MYO10: variants seen among roughly 807,000 people sequenced by gnomAD.
MYO10 encodes myosin X.
MYO10 carries 133 observed loss-of-function variants against 257.3 expected under a neutral mutation model. The observed-to-expected ratio is 0.52, with a 90% CI of 0.45 to 0.60. MYO10 has a LOEUF of 0.60. MYO10 is among the 20% of genes least tolerant of loss of function. MYO10 has a pLI of 0.00. For missense variants in MYO10, 2,399 were observed against 2,635.7 expected (o/e 0.91, Z 1.97); for synonymous variants, 1,104 against 1,028.6 (o/e 1.07, Z -1.40).
chr5:16,672,209 T>C (rs574128753), intron 37 of MYO10, among the ~76,000 whole-genome samples: 3 of 148,618 alleles, frequency 2.0e-5, no homozygotes, highest in African/African-American at 5.0e-5. Context: ...GCAGGAGAAC[T>C]GCTTGAACCC....
In MYO10 at chr5:16,701,808, C is replaced by T. The variant is rs1233115079; in HGVS notation, c.2587G>A (p.Glu863Lys). 8 of 1,607,068 alleles carry T rather than the reference C, an allele frequency of 5.0e-6. No homozygotes were observed. Among genetic ancestry groups the T allele is most frequent in the South Asian group, 2.2e-5 (2 of 89,782 alleles). ...EEETRKQQEL[E>K]ALQKSQKEAE... ...TCCTTCTGGCTCTTCTGCAAGGCTT[C>T]GAGTTCTTGCTGCTTCCTCGTTTCT... The change falls in exon 25 of 41, where the codon GAA becomes AAA. Residue 863 changes from glutamate (E) to lysine (K), a missense_variant. Around this residue, in one of 3 missense-constraint regions of MYO10, gnomAD observed 1,820 missense variants for 1,939.4 expected, o/e 0.94. Transcript: ENST00000513610. This position sits in a 1 kb window ranked among gnomAD's most constrained non-coding sequence, Gnocchi z 8.1.
intron 4 of MYO10, among the ~76,000 whole-genome samples, chr5:16,785,215 T>A (rs1741540470): frequency 1.3e-5 from 2 of 152,188 alleles, no homozygotes; most frequent in African/African-American, 4.8e-5. Flanking sequence ...CCACCTTTAG[T>A]TGGGGTTTCC....
intron 4 of MYO10, among the ~76,000 whole-genome samples, chr5:16,794,430 G>T (rs1163801616): frequency 6.6e-6 from 1 of 150,596 alleles, no homozygotes; most frequent in East Asian, 1.9e-4. Flanking sequence ...ATTATTCTGA[G>T]GACAAGAGCC....
chr5:16,890,066 A>AAGAAAAT (rs898557607), intron 1 of MYO10, among the ~76,000 whole-genome samples: 1 of 151,956 alleles, frequency 6.6e-6, no homozygotes, highest in African/African-American at 2.4e-5. Flanking sequence ...ACACAGTGGG[A>AAGAAAAT]AGAAAATAAA....
chr5:16,846,223 G>A (rs1039279742), intron 2 of MYO10, among the ~76,000 whole-genome samples: 1 of 152,154 alleles, frequency 6.6e-6, no homozygotes, highest in African/African-American at 2.4e-5. Context: ...GCTATTGGCA[G>A]ACTAATTATA....
At chr5:16,848,677 C>A (rs1257246630) in intron 2 of MYO10, among the ~76,000 whole-genome samples, 1 of 151,252 alleles carries the variant, frequency 6.6e-6, no homozygotes, top group Non-Finnish European at 1.5e-5. Flanking sequence ...CTCCCCGCTA[C>A]GGATGGACGG....
At chr5:16,888,845 C>T (rs1744964072) in intron 1 of MYO10, among the ~76,000 whole-genome samples, 1 of 150,082 alleles carries the variant, frequency 6.7e-6, no homozygotes, top group African/African-American at 2.5e-5. Context: ...TATCTGTTCT[C>T]TCTGTTCCAT....
At chr5:16,752,078 C>T (rs890394630) in intron 19 of MYO10, among the ~76,000 whole-genome samples, 2 of 152,098 alleles carry the variant, frequency 1.3e-5, no homozygotes, top group Non-Finnish European at 2.9e-5. Context: ...TAACTCTGTG[C>T]CATCCAAGAG....
At chr5:16,848,661 C>T (rs542119987) in intron 2 of MYO10, among the ~76,000 whole-genome samples, 3 of 151,450 alleles carry the variant, frequency 2.0e-5, no homozygotes, top group South Asian at 2.1e-4. Flanking sequence ...AAACACCTGG[C>T]GATACCTCCC....
At chr5:16,669,636 T>C (rs1736348377) in intron 39 of MYO10, among the ~76,000 whole-genome samples, 1 of 152,210 alleles carries the variant, frequency 6.6e-6, no homozygotes, top group African/African-American at 2.4e-5. Flanking sequence ...TTTTTTATAC[T>C]TAAAAACAGG....
intron 3 of MYO10, among the ~76,000 whole-genome samples, chr5:16,806,420 G>A (rs939376547): frequency 1.3e-5 from 2 of 151,698 alleles, no homozygotes; most frequent in Non-Finnish European, 2.9e-5. Flanking sequence ...GCAGAGGCGG[G>A]CGGATCACGA....
intron 19 of MYO10, among the ~76,000 whole-genome samples, chr5:16,732,306 T>G (rs920190827): frequency 6.6e-6 from 1 of 152,114 alleles, no homozygotes; most frequent in Non-Finnish European, 1.5e-5. Context: ...AAAGCCCTGG[T>G]GAAGACAACA....
At chr5:16,812,087 A>G (rs985246425) in intron 3 of MYO10, among the ~76,000 whole-genome samples, 3 of 152,080 alleles carry the variant, frequency 2.0e-5, no homozygotes, top group African/African-American at 7.2e-5. Context: ...GAGAGAGCCA[A>G]CCCCCTCTCC....
chr5:16,817,859 C>G (rs1164585075), intron 3 of MYO10, 150 bp downstream of exon 3: 2 of 743,392 alleles, frequency 2.7e-6, no homozygotes, highest in Non-Finnish European at 3.9e-6. Context: ...GATTTTTGAC[C>G]CAAGTTTCTA....
At chr5:16,726,901 T>C (rs939355436) in intron 19 of MYO10, among the ~76,000 whole-genome samples, 1 of 152,200 alleles carries the variant, frequency 6.6e-6, no homozygotes, top group Non-Finnish European at 1.5e-5. Context: ...AGCCACACAT[T>C]GTCTGTGACC....
chr5:16,894,149 C>A (rs1181138651), intron 1 of MYO10, among the ~76,000 whole-genome samples: 2 of 152,196 alleles, frequency 1.3e-5, no homozygotes, highest in Admixed American at 6.5e-5. Context: ...GACACTGGCA[C>A]CTTACCATGA....
chr5:16,844,676 T>A (rs1021610658), intron 2 of MYO10, among the ~76,000 whole-genome samples: 1 of 151,918 alleles, frequency 6.6e-6, no homozygotes, highest in African/African-American at 2.4e-5. Context: ...GTATATTAGG[T>A]TTTGCCCTTA....
At chr5:16,738,447 T>G (rs947078894) in intron 19 of MYO10, 1 of 981,470 alleles carries the variant, frequency 1.0e-6, no homozygotes, top group African/African-American at 1.8e-5. Flanking sequence ...TGGAAATGTT[T>G]AGCAGTGAGG....
intron 10 of MYO10, among the ~76,000 whole-genome samples, chr5:16,768,130 A>C (rs562295161): frequency 3.3e-4 from 51 of 152,338 alleles, no homozygotes; most frequent in South Asian, 8.3e-4. Context: ...GGTCTCCTCT[A>C]GAACCACTCT....
Sources: gnomAD v4.1 joint callset for allele counts (sites outside exome capture counted in the v4.1 genomes callset) on GRCh38, gnomAD v4.1.1 for gene constraint, gnomAD v4.1.1 regional missense constraint, Gnocchi (gnomAD v3.1) non-coding constraint, MANE v1.5 for transcripts, NCBI Gene and HGNC (gene_info 2026-07-23, HGNC 2026-07-21) for gene names.